MEGF6: variants seen among roughly 807,000 people sequenced by gnomAD.
MEGF6 encodes the protein multiple epidermal growth factor-like domains protein 6.
MEGF6 carries 184 observed loss-of-function variants against 207.1 expected under a neutral mutation model. That is an observed-to-expected ratio of 0.89 (90% CI 0.79 to 1.00). The LOEUF is 1.00. Ranked by LOEUF, MEGF6 falls within the 50% of genes least tolerant of loss-of-function variation. The pLI is 0.00. For synonymous variants in MEGF6, 1,038 were observed against 910.0 expected, an observed-to-expected ratio of 1.14 and a Z score of -2.53; for missense variants, 2,282 against 2,202.9, an observed-to-expected ratio of 1.04 and a Z score of -0.72.
In MEGF6 at chr1:3,581,260, C is replaced by T. The variant is rs538772254; in HGVS notation, c.377-1331G>A. On this transcript the variant is annotated intron_variant, in intron 3 of 36. Coordinates refer to ENST00000356575, the MANE Select transcript of MEGF6 (RefSeq NM_001409.4). ...ACACGGGTCCCTGTGAATGCTTCTT[C>T]CTCCCACCCTCCTGCAATCACAGCC... Among the ~76,000 whole-genome samples, 13 of 152,242 alleles carry T rather than the reference C, an allele frequency of 8.5e-5. No homozygotes were observed. In the East Asian group the frequency reaches 2.5e-3, roughly 29 times the overall value.
chr1:3,531,018 AG>A, intron 4 of MEGF6: 1 of 1,428,592 alleles, frequency 7.0e-7, no homozygotes, highest in African/African-American at 1.5e-5. Context: ...CAGGAAACAA[AG>A]GGAGCGCGCC....
chr1:3,605,777 A>T (rs943689369), intron 1 of MEGF6, among the ~76,000 whole-genome samples: 1 of 152,242 alleles, frequency 6.6e-6, no homozygotes, highest in African/African-American at 2.4e-5. Context: ...TCTGGCTGCC[A>T]GGTGGGTTTA....
chr1:3,511,206 G>A (rs1459281310), intron 9 of MEGF6, among the ~76,000 whole-genome samples: 2 of 152,254 alleles, frequency 1.3e-5, no homozygotes, highest in Non-Finnish European at 2.9e-5. Context: ...GGGGCTAGAG[G>A]GTGGGGACTC....
chr1:3,570,275 C>A (rs1643459789), intron 4 of MEGF6, among the ~76,000 whole-genome samples: 1 of 152,202 alleles, frequency 6.6e-6, no homozygotes, highest in Non-Finnish European at 1.5e-5. Flanking sequence ...GGGACTGAGG[C>A]CAGTGAAGCC....
chr1:3,508,651 T>A lies in MEGF6; in HGVS notation c.1567A>T (p.Thr523Ser). The A allele has an allele frequency of 6.2e-7, 1 of 1,613,270 alleles. No individual in the cohort carries two copies. Among genetic ancestry groups the A allele is most frequent in the East Asian group, 2.2e-5 (1 of 44,848 alleles). The change falls in exon 13 of 37, where the codon ACC becomes TCC. Residue 523 changes from threonine (T) to serine (S), a missense_variant. By Grantham distance (58) the Thr-to-Ser change is moderately conservative (BLOSUM62 1). Transcript: ENST00000356575. Reference sequence around the variant, plus strand: ...CCTCCGTTCCTGCAGTCATCACAGGTCAAGCTGCAGTCATGGCCAAAGGAG... The same window carrying A: ...CCTCCGTTCCTGCAGTCATCACAGGACAAGCTGCAGTCATGGCCAAAGGAG... ...DDSFGHDCSL[T>S]CDDCRNGGTC... is the part of the protein sequence containing the mutation.
At chr1:3,523,074 C>CAG (rs762180190) in intron 5 of MEGF6, among the ~76,000 whole-genome samples, 1 of 147,998 alleles carries the variant, frequency 6.8e-6, no homozygotes, top group African/African-American at 2.5e-5. Context: ...GAGTGTGTGC[C>CAG]GGGGGGGGGG....
chr1:3,503,743 C>T (rs2100976082), intron 17 of MEGF6, among the ~76,000 whole-genome samples: 1 of 150,698 alleles, frequency 6.6e-6, no homozygotes, highest in African/African-American at 2.4e-5. Flanking sequence ...TATGTGTGTA[C>T]ACGTTTGGGG....
intron 21 of MEGF6, 58 bp from the exon 22 acceptor site, chr1:3,499,982 G>T: frequency 6.7e-7 from 1 of 1,499,044 alleles, no homozygotes; most frequent in East Asian, 2.5e-5. Context: ...TGACCCAGCC[G>T]TGCCCGGGCC....
Position 3,492,751 on chromosome 1 carries a change from C to T in MEGF6, c.4404G>A (p.Gln1468=). The T allele has an allele frequency of 6.2e-7, 1 of 1,612,200 alleles. No homozygotes were observed. Among genetic ancestry groups the T allele is most frequent in the Non-Finnish European group, 8.5e-7 (1 of 1,179,588 alleles). ...AGTGCAGGGTGCAGCTGGGCCCAAA[C>T]TGGCCCCTTCTGCAATCTGCAAGGC... The part of the protein sequence containing the change: ...ATCNLDCRRG[Q]FGPSCTLHCD... Residue 1468 remains glutamine, a synonymous_variant, in exon 35 of 37, where the codon CAG becomes CAA. Transcript: ENST00000356575.
At chr1:3,612,595 T>C (rs1244975417), upstream of MEGF6, among the ~76,000 whole-genome samples, 1 of 152,132 alleles carries the variant, frequency 6.6e-6, no homozygotes, top group Non-Finnish European at 1.5e-5. Flanking sequence ...GAGCCAGCCA[T>C]GCCGGTCCCT....
intron 7 of MEGF6, among the ~76,000 whole-genome samples, chr1:3,513,184 AT>A (rs1039250381): frequency 6.6e-6 from 1 of 151,484 alleles, no homozygotes; most frequent in Non-Finnish European, 1.5e-5. Flanking sequence ...CTTGAGTTCT[AT>A]TTTTTTTATT....
rs751946255 is a variant in MEGF6 at position 3,552,567 on chromosome 1, C to T, written c.481+27258G>A. The stretch of plus-strand genomic sequence containing the variant: ...CAAATTAGCTAGGTGTGGTGGCGCA[C>T]GCCTGTCATCCCAGCTACTCGGAGG... On this transcript the variant is annotated intron_variant, in intron 4 of 36. Transcript: ENST00000356575. Among the ~76,000 whole-genome samples, 27 of 152,354 alleles carry T rather than the reference C, an allele frequency of 1.8e-4. 1 individual carries two copies. The highest frequency in any genetic ancestry group is 1.5e-3 in the East Asian group (8 of 5,186).
chr1:3,532,513 C>A (rs763842290), intron 4 of MEGF6, among the ~76,000 whole-genome samples: 2 of 152,226 alleles, frequency 1.3e-5, no homozygotes, highest in Admixed American at 1.3e-4. Context: ...ACTGGGCGCC[C>A]GCCCACACTG....
chr1:3,494,623 G>A lies in MEGF6; in HGVS notation c.3990C>T (p.His1330=), dbSNP rs1640522751. Residue 1330 remains histidine, a synonymous_variant, in exon 31 of 37, where the codon CAC becomes CAT. Coordinates refer to ENST00000356575, the MANE Select transcript of MEGF6 (RefSeq NM_001409.4). The part of the protein sequence containing the change: ...CSCGLGWTGR[H]CELACPPGRY... ...GCCCCGCACACTCACCCAGCTCGCA[G>A]TGCCGCCCCGTCCAGCCCAGGCCAC... is the stretch of plus-strand genomic sequence containing the variant. The A allele has an allele frequency of 6.4e-7, 1 of 1,562,250 alleles. No homozygotes were observed. Among genetic ancestry groups the A allele is most frequent in the Admixed American group, 1.9e-5 (1 of 52,950 alleles).
At position 3,514,585 on chromosome 1, in the gene MEGF6, C is replaced by T. The variant is rs767901912; in HGVS notation, c.818G>A (p.Gly273Asp). The part of the protein sequence containing the change: ...RGLARCECHV[G>D]YQLAADGKAC... ...CTTGCCGTCCGCTGCTAGCTGATAG[C>T]CCACGTGGCACTCACAGCGGGCGAG... The change falls in exon 7 of 37, where the codon GGC (glycine) becomes GAC (aspartate). Residue 273 changes from glycine to aspartate, a missense_variant. Coordinates refer to ENST00000356575, the MANE Select transcript of MEGF6 (RefSeq NM_001409.4). The T allele has an allele frequency of 1.3e-6, 2 of 1,588,534 alleles. No individual in the cohort carries two copies. The highest frequency in any genetic ancestry group is 2.3e-5 in the South Asian group (2 of 87,564).
At chr1:3,531,258 C>A (rs765642003) in intron 4 of MEGF6, 15 of 1,374,248 alleles carry the variant, frequency 1.1e-5, no homozygotes, top group Middle Eastern at 2.7e-4. Context: ...CCTGGTAGGC[C>A]GGCGGGCGGG....
At chr1:3,531,647 C>A (rs1464297409) in intron 4 of MEGF6, among the ~76,000 whole-genome samples, 1 of 152,186 alleles carries the variant, frequency 6.6e-6, no homozygotes, top group East Asian at 1.9e-4. Context: ...ACATGTGACC[C>A]ACAGACACAG....
chr1:3,503,941 C>G (rs891920241), intron 17 of MEGF6, among the ~76,000 whole-genome samples: 9 of 152,276 alleles, frequency 5.9e-5, no homozygotes, highest in African/African-American at 2.2e-4. Flanking sequence ...GCCTAGAGTG[C>G]TCCGGCCCTT....
chr1:3,567,679 C>T (rs982771478), intron 4 of MEGF6, among the ~76,000 whole-genome samples: 3 of 152,204 alleles, frequency 2.0e-5, no homozygotes, highest in Admixed American at 1.3e-4. Flanking sequence ...CCTAGGAGCA[C>T]CTGCGACCCA....
Sources: allele counts gnomAD v4.1 joint callset (sites outside exome capture counted in the v4.1 genomes callset), GRCh38; gene constraint gnomAD v4.1.1; transcripts MANE v1.5; gene names NCBI Gene and HGNC (gene_info 2026-07-23, HGNC 2026-07-21).